VCF1: variants seen among roughly 807,000 people sequenced by gnomAD.
The protein encoded by VCF1 is protein VCF1.
At chr17:73,211,094 T>C in the VCF1 span, among the ~76,000 whole-genome samples, 1 of 152,198 alleles carries the variant, frequency 6.6e-6, no homozygotes, top group African/African-American at 2.4e-5. Context: ...CACATTTATG[T>C]TCCCTTAGGC....
the VCF1 span, among the ~76,000 whole-genome samples, chr17:73,218,153 C>T: frequency 6.7e-6 from 1 of 150,322 alleles, no homozygotes; most frequent in Admixed American, 6.6e-5. Context: ...TCTAAGGCTG[C>T]CACAGAATCT....
chr17:73,220,111 C>T, the VCF1 span, among the ~76,000 whole-genome samples: 3 of 151,858 alleles, frequency 2.0e-5, no homozygotes, highest in African/African-American at 4.8e-5. Context: ...ATTAATACTA[C>T]AACTCTAAGA....
the VCF1 span, among the ~76,000 whole-genome samples, chr17:73,218,451 T>C: frequency 6.7e-6 from 1 of 150,354 alleles, no homozygotes; most frequent in African/African-American, 2.4e-5. Flanking sequence ...AAGTTCCTTC[T>C]GAATGGAAAT....
At chr17:73,230,282 TGA>T in the VCF1 span, among the ~76,000 whole-genome samples, 1 of 152,012 alleles carries the variant, frequency 6.6e-6, no homozygotes, top group South Asian at 2.1e-4. Context: ...GTCGACAGAG[TGA>T]GACTCTGTCA....
chr17:73,208,298 C>A, the VCF1 span: 1 of 1,612,906 alleles, frequency 6.2e-7, no homozygotes, highest in Non-Finnish European at 8.5e-7. Flanking sequence ...GCACTTTTCT[C>A]TACATCCAAT....
At chr17:73,222,378 A>G in the VCF1 span, among the ~76,000 whole-genome samples, 2 of 152,100 alleles carry the variant, frequency 1.3e-5, no homozygotes, top group African/African-American at 4.8e-5. Flanking sequence ...TCTTGCTAGA[A>G]ATCTAAAATT....
chr17:73,232,296 C>G, the VCF1 span: 11 of 1,587,394 alleles, frequency 6.9e-6, no homozygotes, highest in Non-Finnish European at 8.6e-6. Flanking sequence ...GTCTGCTCCG[C>G]GCCCCCCCAT....
chr17:73,216,727 C>G, the VCF1 span, among the ~76,000 whole-genome samples: 85 of 152,296 alleles, frequency 5.6e-4, 1 homozygote, highest in African/African-American at 1.5e-3. Flanking sequence ...AATTGTGAAG[C>G]AGAGGACGGG....
At chr17:73,219,410 G>A in the VCF1 span, among the ~76,000 whole-genome samples, 1 of 151,880 alleles carries the variant, frequency 6.6e-6, no homozygotes, top group Non-Finnish European at 1.5e-5. Flanking sequence ...CAGTCCTCTG[G>A]AGGCCGAGGT....
the VCF1 span, among the ~76,000 whole-genome samples, chr17:73,230,367 T>G: frequency 1.3e-5 from 2 of 151,768 alleles, no homozygotes; most frequent in Non-Finnish European, 2.9e-5. Flanking sequence ...CTCACCTCTC[T>G]GCGGCTATCC....
chr17:73,229,866 T>TAAA, the VCF1 span, among the ~76,000 whole-genome samples: 1 of 13,618 alleles, frequency 7.3e-5, no homozygotes, highest in African/African-American at 4.4e-4. Flanking sequence ...AGACTCCATC[T>TAAA]CAAAAAAAAA....
At chr17:73,208,468 T>A in the VCF1 span, 2 of 1,613,278 alleles carry the variant, frequency 1.2e-6, no homozygotes, top group Non-Finnish European at 1.7e-6. Context: ...AACACATCTG[T>A]CTCTCCCTAA....
At chr17:73,211,212 T>G in the VCF1 span, among the ~76,000 whole-genome samples, 1 of 151,838 alleles carries the variant, frequency 6.6e-6, no homozygotes, top group South Asian at 2.1e-4. Flanking sequence ...TCCCAGCACT[T>G]TGGTTGGCTG....
chr17:73,223,855 C>T, the VCF1 span, among the ~76,000 whole-genome samples: 132 of 151,874 alleles, frequency 8.7e-4, 1 homozygote, highest in Middle Eastern at 6.8e-3. Context: ...GTGGCACATC[C>T]CTGTAGTCCC....
At chr17:73,220,049 C>G in the VCF1 span, among the ~76,000 whole-genome samples, 1 of 151,996 alleles carries the variant, frequency 6.6e-6, no homozygotes, top group African/African-American at 2.4e-5. Flanking sequence ...ACACACAATC[C>G]TAACAGTTTC....
At chr17:73,225,283 C>T in the VCF1 span, among the ~76,000 whole-genome samples, 3 of 152,142 alleles carry the variant, frequency 2.0e-5, no homozygotes, top group East Asian at 1.9e-4. Flanking sequence ...AGTAACAAGA[C>T]GTTGTTTTCT....
chr17:73,220,734 C>A, the VCF1 span, among the ~76,000 whole-genome samples: 1 of 151,076 alleles, frequency 6.6e-6, no homozygotes, highest in Non-Finnish European at 1.5e-5. Context: ...CATGGCCCGG[C>A]AGCCACTTCT....
the VCF1 span, among the ~76,000 whole-genome samples, chr17:73,229,867 CAAAAAAAAAAAAAAA>C: frequency 4.4e-5 from 1 of 22,622 alleles, no homozygotes; most frequent in African/African-American, 1.5e-4. Context: ...GACTCCATCT[CAAAAAAAAAAAAAAA>C]AAAAAAAAAA....
At chr17:73,219,116 G>A in the VCF1 span, among the ~76,000 whole-genome samples, 6 of 151,108 alleles carry the variant, frequency 4.0e-5, no homozygotes, top group Admixed American at 2.6e-4. Context: ...GCTTGAACCC[G>A]GGAGGCAGAG....
Sources: allele counts gnomAD v4.1 joint callset (sites outside exome capture counted in the v4.1 genomes callset), GRCh38; gene constraint gnomAD v4.1.1; transcripts MANE v1.5; gene names NCBI Gene and HGNC (gene_info 2026-07-23, HGNC 2026-07-21).